Variants in PASK observed in about 807,000 individuals in gnomAD.
PASK encodes the protein PAS domain containing serine/threonine kinase.
PASK carries 110 observed loss-of-function variants against 121.0 expected under a neutral mutation model. The ratio of observed to expected loss-of-function variants is 0.91; its 90% CI spans 0.78 to 1.06. PASK has a LOEUF of 1.06. Ranked by LOEUF, PASK falls within the 50% of genes least tolerant of loss-of-function variation. PASK has a pLI of 0.00. For missense variants in PASK, 1,643 were observed against 1,702.3 expected (o/e 0.97, Z 0.61); for synonymous variants, 686 against 717.8 (o/e 0.96, Z 0.71).
chr2:241,138,557 C>A (rs954103409), intron 5 of PASK, 97 bp downstream of exon 5: 9 of 1,428,978 alleles, frequency 6.3e-6, no homozygotes, highest in Non-Finnish European at 7.8e-6. Flanking sequence ...TCCTCTCTTT[C>A]TTCCCAAAGG....
rs767927996 is a variant in PASK at position 241,112,263 on chromosome 2, T to C, written c.3510A>G (p.Ala1170=). 6.8e-6 allele frequency: 11 copies of C among 1,613,794 alleles called. No homozygotes were observed. The South Asian group carries it at 1.1e-4, about 16-fold the overall frequency. The change falls in exon 15 of 18, where the codon GCA becomes GCG. Residue 1170 remains alanine, a synonymous_variant. Coordinates refer to ENST00000234040, the MANE Select transcript of PASK (RefSeq NM_015148.4). This position sits in a 1 kb window ranked among gnomAD's most constrained non-coding sequence, Gnocchi z 5.2. ...ACGGATTCCCCATGAGAACTTCCGG[T>C]GCACAGTACTCGATGGTCCCACAAA... ...YTFCGTIEYC[A]PEVLMGNPYR... is the part of the protein sequence containing the mutation.
upstream of PASK, chr2:241,149,853 C>A (rs1014272689): frequency 1.2e-5 from 17 of 1,470,426 alleles, no homozygotes; most frequent in Admixed American, 7.4e-5. Flanking sequence ...CAAGGGGAGC[C>A]CAGCTGGCGC....
intron 9 of PASK, among the ~76,000 whole-genome samples, chr2:241,131,789 C>G (rs949975831): frequency 1.1e-4 from 16 of 152,176 alleles, no homozygotes; most frequent in African/African-American, 3.6e-4. Flanking sequence ...GGTATGGTGG[C>G]TCACACCTGT....
intron 3 of PASK, among the ~76,000 whole-genome samples, 195 bp from the exon 4 acceptor site, chr2:241,140,250 G>A (rs888551578): frequency 6.6e-6 from 1 of 151,742 alleles, no homozygotes; most frequent in Non-Finnish European, 1.5e-5. Flanking sequence ...CTGCAACCTT[G>A]AACTCCTGGG....
intron 9 of PASK, chr2:241,127,842 A>T: frequency 2.9e-6 from 1 of 347,516 alleles, no homozygotes; most frequent in Non-Finnish European, 5.6e-6. Context: ...GAAACGAGAG[A>T]GAGATTGGAG....
At chr2:241,129,696 T>C (rs761370379) in intron 9 of PASK, among the ~76,000 whole-genome samples, 1 of 152,252 alleles carries the variant, frequency 6.6e-6, no homozygotes, top group Admixed American at 6.5e-5. Flanking sequence ...GAGGACATCC[T>C]CCAGCTGCCC....
chr2:241,146,881 C>A (rs1461252338), intron 1 of PASK, among the ~76,000 whole-genome samples: 1 of 152,174 alleles, frequency 6.6e-6, no homozygotes, highest in African/African-American at 2.4e-5. Context: ...ACTAACACTG[C>A]CTTTATTCTT....
intron 10 of PASK, among the ~76,000 whole-genome samples, chr2:241,125,067 G>C (rs761715769): frequency 6.6e-6 from 1 of 152,152 alleles, no homozygotes; most frequent in Non-Finnish European, 1.5e-5. Flanking sequence ...TTGGGAGGCC[G>C]AGGCAGGTGG....
At chr2:241,130,337 A>G (rs2066068914) in intron 9 of PASK, among the ~76,000 whole-genome samples, 1 of 152,202 alleles carries the variant, frequency 6.6e-6, no homozygotes, top group African/African-American at 2.4e-5. Context: ...AATGCAATAG[A>G]AAGACTAGGA....
At chr2:241,148,425 A>G (rs889202811) in intron 1 of PASK, among the ~76,000 whole-genome samples, 1 of 152,226 alleles carries the variant, frequency 6.6e-6, no homozygotes, top group Non-Finnish European at 1.5e-5. Context: ...AGTGCAGTAG[A>G]ACACAGCAAG....
At chr2:241,120,492 C>CAAAAAAAAAAAAA (rs568145375) in intron 12 of PASK, among the ~76,000 whole-genome samples, 8 of 140,024 alleles carry the variant, frequency 5.7e-5, no homozygotes, top group Admixed American at 2.8e-4. Flanking sequence ...GACTCTGTCT[C>CAAAAAAAAAAAAA]AAAAGAAAAA....
intron 4 of PASK, 73 bp from the exon 5 acceptor site, chr2:241,138,867 C>T: frequency 6.7e-7 from 1 of 1,487,380 alleles, no homozygotes; most frequent in South Asian, 1.1e-5. Context: ...CACCTGCCTC[C>T]AGGAGGCCCA....
intron 14 of PASK, chr2:241,114,388 C>T: frequency 1.0e-6 from 1 of 986,432 alleles, no homozygotes; most frequent in Non-Finnish European, 1.2e-6. Context: ...CAGCCCTTTG[C>T]TGGTATTTCT....
At position 241,126,593 on chromosome 2, in the gene PASK, T is replaced by C; in HGVS notation, c.2322A>G (p.Ala774=). 6.2e-7 allele frequency: 1 copy of C among 1,614,202 alleles called. No homozygotes were observed. Among genetic ancestry groups the C allele is most frequent in the Non-Finnish European group, 8.5e-7 (1 of 1,180,030 alleles). ...SELRETPSSL[A]VGSDPDVGSL... ...TGCCTACATCTGGATCGGAGCCCAC[T>C]GCCAAGGAAGAGGGTGTCTCTCTGA... Residue 774 remains alanine, a synonymous_variant, in exon 10 of 18, where the codon GCA becomes GCG. Coordinates refer to ENST00000234040, the MANE Select transcript of PASK (RefSeq NM_015148.4).
intron 8 of PASK, chr2:241,133,474 T>G: frequency 3.7e-6 from 1 of 272,478 alleles, no homozygotes. Flanking sequence ...CTACAAGGCT[T>G]CCCTAGGCCT....
intron 1 of PASK, among the ~76,000 whole-genome samples, chr2:241,147,893 A>G (rs975774073): frequency 1.1e-4 from 16 of 152,152 alleles, no homozygotes; most frequent in Non-Finnish European, 2.4e-4. Context: ...AGCAGGAAAG[A>G]TGCATCCTTT....
At position 241,140,685 on chromosome 2, in the gene PASK, A is replaced by G; in HGVS notation, c.265T>C (p.Cys89Arg). 1.2e-6 allele frequency: 2 copies of G among 1,614,176 alleles called. No homozygotes were observed. The highest frequency in any genetic ancestry group is 3.3e-5 in the Admixed American group (2 of 60,028). Reference protein sequence around the residue: ...AQNICTSKLHCPAAPEHTDPS... With the variant: ...AQNICTSKLHRPAAPEHTDPS... ...TCCGTGTGCTCAGGGGCAGCAGGGCAGTGCAGTTTACTTGTACAAATATTC... is the reference window on the plus strand; with the variant it reads ...TCCGTGTGCTCAGGGGCAGCAGGGCGGTGCAGTTTACTTGTACAAATATTC... The change falls in exon 3 of 18, where the codon TGC (cysteine) becomes CGC (arginine). Residue 89 changes from cysteine (C) to arginine (R), a missense_variant. Cys to Arg is a radical substitution (Grantham distance 180). Transcript: ENST00000234040.
chr2:241,122,215 T>C (rs2065642643), intron 12 of PASK, among the ~76,000 whole-genome samples: 1 of 150,950 alleles, frequency 6.6e-6, no homozygotes, highest in Non-Finnish European at 1.5e-5. Context: ...AAGAAGAAAA[T>C]AAAATTAAAT....
At position 241,140,626 on chromosome 2, in the gene PASK, G is replaced by C; in HGVS notation, c.324C>G (p.Cys108Trp). The C allele has an allele frequency of 6.2e-7, 1 of 1,614,182 alleles. No individual in the cohort carries two copies. The highest frequency in any genetic ancestry group is 8.5e-7 in the Non-Finnish European group (1 of 1,179,974). ...PSEPRGSVSC[C>W]SLLRGLSSGW... ...CTGAGGACAGTCCCCGCAGCAGGGA[G>C]CAGCAGGACACACTGCCCCGCGGTT... Residue 108 changes from cysteine to tryptophan, a missense_variant, in exon 3 of 18, where the codon TGC (cysteine) becomes TGG (tryptophan). Around this residue, in one of 3 missense-constraint regions of PASK, gnomAD observed 1,176 missense variants for 1,162.2 expected, o/e 1.01. Coordinates refer to ENST00000234040, the MANE Select transcript of PASK (RefSeq NM_015148.4).
Sources: allele counts gnomAD v4.1 joint callset (sites outside exome capture counted in the v4.1 genomes callset), GRCh38; gene constraint gnomAD v4.1.1; regional missense constraint gnomAD v4.1.1; non-coding constraint Gnocchi (gnomAD v3.1); transcripts MANE v1.5; gene names NCBI Gene and HGNC (gene_info 2026-07-23, HGNC 2026-07-21).